Variants in LZIC observed in about 807,000 individuals in gnomAD.
The protein encoded by LZIC is leucine zipper and CTNNBIP1 domain containing.
A neutral mutation model predicts 25.4 loss-of-function variants in LZIC; 28 were observed. The observed-to-expected ratio is 1.10, with a 90% CI of 0.82 to 1.51. The LOEUF (loss-of-function observed/expected upper bound fraction) is 1.51. Ranked by LOEUF, LZIC falls within the 40% of genes most tolerant of loss-of-function variation. LZIC has a pLI of 0.00. For synonymous variants in LZIC, 65 were observed against 70.7 expected (o/e 0.92, Z 0.40); for missense variants, 170 against 211.1 (o/e 0.81, Z 1.21).
intron 3 of LZIC, 96 bp downstream of exon 3, chr1:9,936,423 G>A: frequency 1.3e-6 from 1 of 771,932 alleles, no homozygotes; most frequent in Non-Finnish European, 2.3e-6. Context: ...ACACTACAGG[G>A]GAATGCAGAA....
chr1:9,923,734 A>T (rs1639915104), downstream of LZIC, among the ~76,000 whole-genome samples: 3 of 151,756 alleles, frequency 2.0e-5, no homozygotes, highest in Non-Finnish European at 1.5e-5. Context: ...GTGAAGTAGC[A>T]TTATATTGCT....
chr1:9,934,653 T>C (rs990362795), intron 5 of LZIC, 109 bp downstream of exon 5: 1 of 832,314 alleles, frequency 1.2e-6, no homozygotes, highest in Non-Finnish European at 2.0e-6. Flanking sequence ...AAATTGTTAG[T>C]TGTGGCTCTA....
In LZIC at chr1:9,935,598, T is replaced by C. The variant is rs1345808481; in HGVS notation, c.131A>G (p.Glu44Gly). ...REELDTDEYE[E>G]TKKETLEQLS... ...TTGCTCCAGAGTTTCCTTTTTGGTT[T>C]CTTCATATTCATCTGTATCAAGTTC... The change falls in exon 4 of 8, where the codon GAA becomes GGA. Residue 44 changes from glutamate to glycine, a missense_variant. Coordinates refer to ENST00000377223, the MANE Select transcript of LZIC (RefSeq NM_032368.5). 12 of 1,610,270 alleles carry C rather than the reference T, an allele frequency of 7.5e-6. No individual in the cohort carries two copies. The highest frequency in any genetic ancestry group is 1.0e-5 in the Non-Finnish European group (12 of 1,179,154).
chr1:9,931,747 T>C (rs112957957), intron 7 of LZIC, 144 bp downstream of exon 7: 1 of 530,474 alleles, frequency 1.9e-6, no homozygotes, highest in East Asian at 3.2e-5. Flanking sequence ...ACCAATACAA[T>C]GGATTTATAA....
chr1:9,924,340 ATTATT>A (rs1302116508), downstream of LZIC, among the ~76,000 whole-genome samples: 4 of 86,642 alleles, frequency 4.6e-5, no homozygotes, highest in African/African-American at 1.1e-4. Context: ...CAATATCCAT[ATTATT>A]TTATTTTATT....
downstream of LZIC, among the ~76,000 whole-genome samples, chr1:9,925,392 G>T (rs931901096): frequency 2.6e-5 from 4 of 152,104 alleles, no homozygotes; most frequent in East Asian, 7.7e-4. Context: ...AGAAAAACTT[G>T]ATGGCTCTCC....
At chr1:9,932,003 T>C in intron 6 of LZIC, 31 bp from the exon 7 acceptor site, 1 of 1,546,024 alleles carries the variant, frequency 6.5e-7, no homozygotes, top group Non-Finnish European at 8.9e-7. Context: ...TCCAGTTGAG[T>C]GGGTAAATGT....
chr1:9,940,504 G>C (rs1640665519), intron 2 of LZIC, among the ~76,000 whole-genome samples: 1 of 151,324 alleles, frequency 6.6e-6, no homozygotes, highest in East Asian at 1.9e-4. Flanking sequence ...TTTTTTAGTA[G>C]AGACAGGGTT....
chr1:9,925,812 ACTC>A (rs1032066133), downstream of LZIC, among the ~76,000 whole-genome samples: 2 of 141,784 alleles, frequency 1.4e-5, no homozygotes, highest in Non-Finnish European at 3.0e-5. Context: ...CTGGTCTTGA[ACTC>A]CTGACCTTGT....
Position 9,929,390 on chromosome 1 carries a change from G to A in LZIC, c.*1009C>T, listed in dbSNP as rs1021762536. The A allele has an allele frequency of 6.1e-6, 6 of 984,922 alleles. No homozygotes were observed. Among genetic ancestry groups the A allele is most frequent in the South Asian group, 4.7e-5 (1 of 21,282 alleles). The allele number at this position is 984,922 out of a possible 1,614,324, so 61.0% of individuals were successfully genotyped here. A position where few individuals can be genotyped will look rare whatever the true frequency, so the allele number is the denominator to read the frequency against. ...GCCTAAAAAATAAGCTAATATACACGCATAGGGACACATCTGCATATTTGA... is the reference window on the plus strand; with the variant it reads ...GCCTAAAAAATAAGCTAATATACACACATAGGGACACATCTGCATATTTGA... On this transcript the variant is annotated 3_prime_UTR_variant, in exon 8 of 8. Transcript: ENST00000377223.
chr1:9,922,348 TG>T, downstream of LZIC: 2 of 984,912 alleles, frequency 2.0e-6, no homozygotes, highest in Non-Finnish European at 2.4e-6. Context: ...TCATGTAACT[TG>T]GGGGCCGTCC....
chr1:9,934,951 G>C (rs1326400341), intron 4 of LZIC, 91 bp from the exon 5 acceptor site: 1 of 944,140 alleles, frequency 1.1e-6, no homozygotes, highest in Non-Finnish European at 1.7e-6. Flanking sequence ...TTTTTATCAA[G>C]GTTTACTGGT....
rs551706607 is a variant in LZIC, at chr1:9,927,678, CTTTTTTTTT to C, written c.*2712_*2720del. Among the ~76,000 whole-genome samples, 1 of 106,666 alleles carries C rather than the reference CTTTTTTTTT, an allele frequency of 9.4e-6. No individual in the cohort carries two copies. Among genetic ancestry groups the C allele is most frequent in the African/African-American group, 3.8e-5 (1 of 26,354 alleles). The allele number at this position is 106,666 out of a possible 152,430, so 70.0% of individuals were successfully genotyped here. A position where few individuals can be genotyped will look rare whatever the true frequency, so the allele number is the denominator to read the frequency against. ...AGGGTAAGGGAAGAATCTTCTTCCT[CTTTTTTTTT>C]TTTTTTTTTTTTTTGAGACCGTGTC... On this transcript the variant is annotated 3_prime_UTR_variant, in exon 8 of 8. Transcript: ENST00000377223.
chr1:9,933,577 G>C (rs899082344), intron 5 of LZIC, among the ~76,000 whole-genome samples: 1 of 152,004 alleles, frequency 6.6e-6, no homozygotes, highest in Non-Finnish European at 1.5e-5. Flanking sequence ...TGTTTTTACA[G>C]ACAGAGAAAC....
At position 9,927,090 on chromosome 1, in the gene LZIC, A is replaced by C. The variant is rs910213507; in HGVS notation, c.*3309T>G. 6.6e-6 allele frequency among the ~76,000 whole-genome samples: 1 copy of C among 152,178 alleles called. No homozygotes were observed. Among genetic ancestry groups the C allele is most frequent in the African/African-American group, 2.4e-5 (1 of 41,448 alleles). ...TTGAATAGAAGAGAAAAGGAGGCTC[A>C]AAAAAATTAAGTAACCCACAAAAAG... On this transcript the variant is annotated 3_prime_UTR_variant, in exon 8 of 8. Coordinates refer to ENST00000377223, the MANE Select transcript of LZIC (RefSeq NM_032368.5).
At chr1:9,939,661 C>G (rs1196885778) in intron 2 of LZIC, among the ~76,000 whole-genome samples, 7 of 150,736 alleles carry the variant, frequency 4.6e-5, no homozygotes, top group Non-Finnish European at 8.8e-5. Flanking sequence ...CCTCAGGCAA[C>G]ATTTCTTGCT....
intron 2 of LZIC, among the ~76,000 whole-genome samples, chr1:9,939,542 C>CTTTTTTTTTTTTTTTTTT (rs34837155): frequency 1.1e-4 from 9 of 81,976 alleles, no homozygotes; most frequent in East Asian, 3.9e-4. Flanking sequence ...CCACATCTGC[C>CTTTTTTTTTTTTTTTTTT]TTTTTTTTTT....
chr1:9,940,548 G>C (rs946654673), intron 2 of LZIC, among the ~76,000 whole-genome samples: 7 of 152,192 alleles, frequency 4.6e-5, no homozygotes, highest in Admixed American at 4.6e-4. Flanking sequence ...TCAATCTCCT[G>C]ACCTCGTGAT....
At position 9,926,787 on chromosome 1, in the gene LZIC, T is replaced by G. The variant is rs1639999464; in HGVS notation, c.*3612A>C. Among the ~76,000 whole-genome samples the G allele has an allele frequency of 6.6e-6, 1 of 152,256 alleles. No individual in the cohort carries two copies. Among genetic ancestry groups the G allele is most frequent in the African/African-American group, 2.4e-5 (1 of 41,476 alleles). On this transcript the variant is annotated 3_prime_UTR_variant, in exon 8 of 8. Transcript: ENST00000377223. ...TAGCTGCCTTAGCTTTATTGCTGCC[T>G]ATAATCTCCAAAGATATCTGAACAC...
Sources: gnomAD v4.1 joint callset for allele counts (sites outside exome capture counted in the v4.1 genomes callset) on GRCh38, gnomAD v4.1.1 for gene constraint, MANE v1.5 for transcripts, NCBI Gene and HGNC (gene_info 2026-07-23, HGNC 2026-07-21) for gene names.